The following SPIRE1 variants were observed in gnomAD, a reference collection of about 807,000 sequenced individuals.
SPIRE1 encodes the protein spire type actin nucleation factor 1, also known as protein spire homolog 1.
A neutral mutation model predicts 94.1 loss-of-function variants in SPIRE1; 40 were observed. The ratio of observed to expected loss-of-function variants is 0.43; its 90% confidence interval spans 0.33 to 0.55. The LOEUF (loss-of-function observed/expected upper bound fraction) is 0.55, where lower values mean the gene tolerates loss of function less well. Ranked by LOEUF, SPIRE1 falls within the 20% of genes least tolerant of loss-of-function variation. The pLI, the probability that SPIRE1 is intolerant of heterozygous loss-of-function variation, is 0.06. For missense variants in SPIRE1, 838 were observed against 975.2 expected (o/e 0.86, Z 1.87); for synonymous variants, 376 against 371.7 (o/e 1.01, Z -0.13).
chr18:12,497,024 C>A (rs936899910), intron 6 of SPIRE1, among the ~76,000 whole-genome samples: 1 of 152,080 alleles, frequency 6.6e-6, no homozygotes, highest in Non-Finnish European at 1.5e-5. Flanking sequence ...GCCGAGATCA[C>A]GCTACTGCAC....
At chr18:12,625,890 A>C (rs1318281171) in intron 2 of SPIRE1, among the ~76,000 whole-genome samples, 3 of 152,150 alleles carry the variant, frequency 2.0e-5, no homozygotes, top group Non-Finnish European at 4.4e-5. Flanking sequence ...TAAAAATACA[A>C]AAATTAGCTG....
intron 2 of SPIRE1, among the ~76,000 whole-genome samples, chr18:12,610,697 C>T (rs1254249097): frequency 6.6e-6 from 1 of 152,056 alleles, no homozygotes; most frequent in Admixed American, 6.6e-5. Context: ...CATTAATGCT[C>T]CCCCCAAAAC....
chr18:12,542,305 CTAAG>C (rs1413950423), intron 3 of SPIRE1, among the ~76,000 whole-genome samples: 1 of 152,052 alleles, frequency 6.6e-6, no homozygotes, highest in Non-Finnish European at 1.5e-5. Context: ...TTTTTTGGTA[CTAAG>C]TGTTTGGAAT....
intron 4 of SPIRE1, among the ~76,000 whole-genome samples, chr18:12,521,105 T>C (rs2034345774): frequency 6.6e-6 from 1 of 152,160 alleles, no homozygotes; most frequent in Non-Finnish European, 1.5e-5. Flanking sequence ...AACCATTTCA[T>C]AACAGCCTAG....
intron 2 of SPIRE1, among the ~76,000 whole-genome samples, chr18:12,634,171 C>G (rs1490771651): frequency 2.0e-5 from 3 of 151,920 alleles, no homozygotes; most frequent in African/African-American, 4.8e-5. Context: ...TGGCGTGAAC[C>G]CGGGAGGCGG....
intron 2 of SPIRE1, among the ~76,000 whole-genome samples, chr18:12,597,906 T>C (rs867890719): frequency 6.6e-6 from 1 of 152,156 alleles, no homozygotes; most frequent in Non-Finnish European, 1.5e-5. Flanking sequence ...CATCCACTCA[T>C]GTCTAGATGT....
chr18:12,647,072 A>G (rs1286777332), intron 1 of SPIRE1, among the ~76,000 whole-genome samples: 1 of 151,982 alleles, frequency 6.6e-6, no homozygotes, highest in Non-Finnish European at 1.5e-5. Flanking sequence ...CATTAGCACA[A>G]TTAGTATAAA....
At chr18:12,546,268 C>T (rs1038339618) in intron 3 of SPIRE1, among the ~76,000 whole-genome samples, 3 of 152,048 alleles carry the variant, frequency 2.0e-5, no homozygotes, top group Non-Finnish European at 4.4e-5. Flanking sequence ...GGATTACAGC[C>T]GTGAGCCATC....
At chr18:12,623,020 G>C (rs546778062) in intron 2 of SPIRE1, among the ~76,000 whole-genome samples, 2 of 152,258 alleles carry the variant, frequency 1.3e-5, no homozygotes, top group African/African-American at 4.8e-5. Flanking sequence ...CAATTAATGT[G>C]TCAATATTGT....
At chr18:12,600,026 T>C (rs553844396) in intron 2 of SPIRE1, among the ~76,000 whole-genome samples, 98 of 151,064 alleles carry the variant, frequency 6.5e-4, no homozygotes, top group African/African-American at 2.1e-3. Context: ...AGTGGCCACG[T>C]TGGGAACCCA....
rs561193705 is a variant in SPIRE1 at position 12,547,708 on chromosome 18, G to A, written c.373-804C>T. Among the ~76,000 whole-genome samples the A allele has an allele frequency of 2.0e-5, 3 of 152,338 alleles. No homozygotes were observed. The South Asian group carries it at 6.2e-4, about 32-fold the overall frequency. On this transcript the variant is annotated intron_variant, in intron 2 of 16. Coordinates refer to ENST00000409402, the MANE Select transcript of SPIRE1 (RefSeq NM_001128626.2). ...TGTAATCCCAGCACTTTGGGAGGCTGAGGCGAGCAGATCACTTGAGGTCAG... is the reference window on the plus strand; with the variant it reads ...TGTAATCCCAGCACTTTGGGAGGCTAAGGCGAGCAGATCACTTGAGGTCAG...
Position 12,589,803 on chromosome 18 carries a change from T to A in SPIRE1, c.373-42899A>T, listed in dbSNP as rs566532001. On this transcript the variant is annotated intron_variant, in intron 2 of 16. Coordinates refer to ENST00000409402, the MANE Select transcript of SPIRE1 (RefSeq NM_001128626.2). ...ACTGCCTCATTACTCATTTTATCTATGTCAAAACAGGGAAGCAGGGACCAA... is the reference window on the plus strand; with the variant it reads ...ACTGCCTCATTACTCATTTTATCTAAGTCAAAACAGGGAAGCAGGGACCAA... 7.2e-5 allele frequency among the ~76,000 whole-genome samples: 11 copies of A among 152,322 alleles called. No homozygotes were observed. In the East Asian group the frequency reaches 1.9e-3, roughly 27 times the overall value.
At chr18:12,629,091 T>C (rs899982408) in intron 2 of SPIRE1, among the ~76,000 whole-genome samples, 2 of 152,254 alleles carry the variant, frequency 1.3e-5, no homozygotes, top group African/African-American at 4.8e-5. Context: ...TATAATACTT[T>C]AACCTATTCC....
Position 12,574,801 on chromosome 18 carries a change from G to A in SPIRE1, c.373-27897C>T, listed in dbSNP as rs571024676. Among the ~76,000 whole-genome samples the A allele has an allele frequency of 4.6e-5, 7 of 152,344 alleles. No individual in the cohort carries two copies. The East Asian group carries it at 1.2e-3, about 25-fold the overall frequency. On this transcript the variant is annotated intron_variant, in intron 2 of 16. Coordinates refer to ENST00000409402, the MANE Select transcript of SPIRE1 (RefSeq NM_001128626.2). Reference sequence around the variant, plus strand: ...GAGATTGGACTGTAAAGGAGCAACAGTGTTGGGAAAGGGAGAAAAGGATGA... The same window carrying A: ...GAGATTGGACTGTAAAGGAGCAACAATGTTGGGAAAGGGAGAAAAGGATGA...
At chr18:12,616,356 G>A (rs144321167) in intron 2 of SPIRE1, among the ~76,000 whole-genome samples, 93 of 152,318 alleles carry the variant, frequency 6.1e-4, no homozygotes, top group African/African-American at 2.1e-3. Context: ...GGAGTGGAGA[G>A]TCTAGATATC....
intron 9 of SPIRE1, among the ~76,000 whole-genome samples, chr18:12,480,359 T>C (rs2032793895): frequency 1.3e-5 from 2 of 152,174 alleles, no homozygotes; most frequent in Admixed American, 1.3e-4. Context: ...ATACATTTCC[T>C]CTGATGAGTC....
intron 2 of SPIRE1, among the ~76,000 whole-genome samples, chr18:12,614,951 G>T (rs1463635768): frequency 6.6e-6 from 1 of 152,070 alleles, no homozygotes; most frequent in African/African-American, 2.4e-5. Context: ...CACTTTGGGA[G>T]GCCAAGGCGG....
intron 4 of SPIRE1, among the ~76,000 whole-genome samples, chr18:12,518,275 G>T (rs1341547773): frequency 1.3e-5 from 2 of 152,192 alleles, no homozygotes; most frequent in Admixed American, 6.5e-5. Flanking sequence ...GTCCCAAAGT[G>T]CTGGGATTAT....
chr18:12,556,379 T>C (rs766813725), intron 2 of SPIRE1, among the ~76,000 whole-genome samples: 13 of 152,206 alleles, frequency 8.5e-5, no homozygotes, highest in Non-Finnish European at 1.6e-4. Flanking sequence ...AGAACAGAAC[T>C]GTAGGAATCA....
Sources: gnomAD v4.1 joint callset for allele counts (sites outside exome capture counted in the v4.1 genomes callset) on GRCh38, gnomAD v4.1.1 for gene constraint, MANE v1.5 for transcripts, NCBI Gene and HGNC (gene_info 2026-07-23, HGNC 2026-07-21) for gene names.